Variants in MARK2 observed in about 807,000 individuals in gnomAD.
MARK2 encodes the protein microtubule affinity regulating kinase 2.
MARK2 carries 16 observed loss-of-function variants against 89.8 expected under a neutral mutation model. The ratio of observed to expected loss-of-function variants is 0.18; its 90% confidence interval spans 0.12 to 0.27. The LOEUF (loss-of-function observed/expected upper bound fraction) is 0.27, where lower values mean the gene tolerates loss of function less well. Ranked by LOEUF, MARK2 falls within the 10% of genes least tolerant of loss-of-function variation. MARK2 has a pLI of 1.00. For missense variants in MARK2, 621 were observed against 1,049.9 expected, an observed-to-expected ratio of 0.59 and a Z score of 5.65; for synonymous variants, 382 against 399.5, an observed-to-expected ratio of 0.96 and a Z score of 0.52.
chr11:63,870,486 C>T (rs770756653), intron 1 of MARK2, among the ~76,000 whole-genome samples: 2 of 152,072 alleles, frequency 1.3e-5, no homozygotes, highest in Admixed American at 6.5e-5. Flanking sequence ...CCGAGAAAAG[C>T]GAGAAGACTC....
intron 17 of MARK2, among the ~76,000 whole-genome samples, chr11:63,907,912 G>T (rs1376329608): frequency 6.6e-6 from 1 of 152,264 alleles, no homozygotes; most frequent in African/African-American, 2.4e-5. Flanking sequence ...GGCTGTGGGG[G>T]AGCAGCCTCG....
At chr11:63,875,674 G>A (rs572368524) in intron 1 of MARK2, among the ~76,000 whole-genome samples, 26 of 152,358 alleles carry the variant, frequency 1.7e-4, no homozygotes, top group African/African-American at 6.0e-4. Flanking sequence ...AGATGGGGCA[G>A]ATGTATGCTA....
intron 1 of MARK2, among the ~76,000 whole-genome samples, chr11:63,852,236 A>G (rs893847003): frequency 3.3e-5 from 5 of 152,180 alleles, no homozygotes; most frequent in African/African-American, 7.2e-5. Flanking sequence ...GGAAGTTTTC[A>G]TTGATGGACT....
chr11:63,852,790 T>A (rs1488151887), intron 1 of MARK2, among the ~76,000 whole-genome samples: 1 of 152,188 alleles, frequency 6.6e-6, no homozygotes, highest in African/African-American at 2.4e-5. Flanking sequence ...CATGTAGTAT[T>A]ATGGTACCAG....
At chr11:63,888,824 G>A in intron 1 of MARK2, 1 of 1,293,326 alleles carries the variant, frequency 7.7e-7, no homozygotes, top group Non-Finnish European at 1.0e-6. Context: ...GCTGAGTAAG[G>A]GTGGCTGGCT....
chr11:63,841,510 TTC>T (rs2016015517), intron 1 of MARK2, among the ~76,000 whole-genome samples: 2 of 152,238 alleles, frequency 1.3e-5, no homozygotes, highest in South Asian at 2.1e-4. Context: ...TACCGGCTGT[TTC>T]TCTCTCCTTA....
At position 63,899,634 on chromosome 11, in the gene MARK2, G is replaced by A. The variant is rs957336094; in HGVS notation, c.532-240G>A. Among the ~76,000 whole-genome samples, 5 of 152,338 alleles carry A rather than the reference G, an allele frequency of 3.3e-5. No individual in the cohort carries two copies. The South Asian group carries it at 1.0e-3, about 32-fold the overall frequency. On this transcript the variant is annotated intron_variant, in intron 7 of 18. Coordinates refer to ENST00000402010, the MANE Select transcript of MARK2 (RefSeq NM_001039469.3). Reference sequence around the variant, plus strand: ...ATGCTGAAGCTTTGCACAGCTCACAGGGTCTCTGGGCCTTCAGATCCCATC... The same window carrying A: ...ATGCTGAAGCTTTGCACAGCTCACAAGGTCTCTGGGCCTTCAGATCCCATC...
At chr11:63,856,941 G>A (rs2016895115) in intron 1 of MARK2, among the ~76,000 whole-genome samples, 1 of 151,214 alleles carries the variant, frequency 6.6e-6, no homozygotes, top group Non-Finnish European at 1.5e-5. Flanking sequence ...CCGAGTAGCT[G>A]GGAGGGACTA....
chr11:63,895,706 G>C (rs1464219621), intron 3 of MARK2, 73 bp downstream of exon 3: 1 of 1,262,588 alleles, frequency 7.9e-7, no homozygotes, highest in Non-Finnish European at 1.1e-6. Context: ...CCTCACTCTT[G>C]TCGCCCAGGC....
At chr11:63,861,174 G>A (rs572041027) in intron 1 of MARK2, among the ~76,000 whole-genome samples, 1 of 152,134 alleles carries the variant, frequency 6.6e-6, no homozygotes, top group East Asian at 1.9e-4. Flanking sequence ...AGTGGCTCAC[G>A]CGGGTAATCC....
rs1481250883 is a variant in MARK2, at chr11:63,898,668, G to A, written c.398G>A (p.Ser133Asn). Residue 133 changes from serine (S) to asparagine (N), a missense_variant, in exon 5 of 19, where the codon AGT becomes AAT. Around this residue, in one of 5 missense-constraint regions of MARK2, gnomAD observed 82 missense variants for 287.7 expected, o/e 0.29. Transcript: ENST00000402010. ...KTLYLVMEYASGGEVFDYLVA... is the reference protein window; with the variant it reads ...KTLYLVMEYANGGEVFDYLVA... ...CTCTACCTTGTCATGGAGTACGCTAGTGGCGGTAGGTGTGGAACTGCCTCT... is the reference window on the plus strand; with the variant it reads ...CTCTACCTTGTCATGGAGTACGCTAATGGCGGTAGGTGTGGAACTGCCTCT... The A allele has an allele frequency of 8.1e-6, 13 of 1,613,910 alleles. No homozygotes were observed. In the Admixed American group the frequency reaches 2.2e-4, roughly 27 times the overall value.
intron 1 of MARK2, among the ~76,000 whole-genome samples, chr11:63,881,606 C>G (rs868094085): frequency 9.9e-5 from 15 of 152,166 alleles, no homozygotes; most frequent in South Asian, 2.1e-4. Flanking sequence ...GATACTGGCT[C>G]TCATCTGTCA....
rs763078088 is a variant in MARK2, at chr11:63,904,347, C to G, written c.1676+200C>G. Among the ~76,000 whole-genome samples the G allele has an allele frequency of 5.3e-5, 8 of 152,192 alleles. No homozygotes were observed. The highest frequency in any genetic ancestry group is 1.0e-4 in the Non-Finnish European group (7 of 68,016). ...GCCCCTCTTTTCCAGTTCTCCCTCT[C>G]AGAACAGGTATGCAGGAAGCTGTCC... On this transcript the variant is annotated intron_variant, in intron 15 of 18. Coordinates refer to ENST00000402010, the MANE Select transcript of MARK2 (RefSeq NM_001039469.3). This position sits in a 1 kb window ranked among gnomAD's most constrained non-coding sequence, Gnocchi z 6.3.
intron 1 of MARK2, among the ~76,000 whole-genome samples, chr11:63,859,085 T>A (rs548975220): frequency 1.3e-5 from 2 of 152,328 alleles, no homozygotes; most frequent in African/African-American, 4.8e-5. Flanking sequence ...TTTTTTGTTT[T>A]TTTTTTAACT....
chr11:63,901,358 A>G (rs1266633746), intron 11 of MARK2, among the ~76,000 whole-genome samples: 1 of 150,234 alleles, frequency 6.7e-6, no homozygotes, highest in African/African-American at 2.5e-5. Context: ...GTCATCGGCT[A>G]GCACTACTAC....
Position 63,904,115 on chromosome 11 carries a change from C to T in MARK2, c.1644C>T (p.Pro548=), listed in dbSNP as rs999498552. Reference sequence around the variant, plus strand: ...CCAACAAGGCCTCTGGGCTGCCCCCCACGGAGAGTAACTGTGAGGTGCCGC... The same window carrying T: ...CCAACAAGGCCTCTGGGCTGCCCCCTACGGAGAGTAACTGTGAGGTGCCGC... The part of the protein sequence containing the change: ...VHPNKASGLP[P]TESNCEVPRP... Residue 548 remains proline (P), a synonymous_variant, in exon 15 of 19, where the codon CCC becomes CCT. Coordinates refer to ENST00000402010, the MANE Select transcript of MARK2 (RefSeq NM_001039469.3). The surrounding 1 kb of genome is among the most constrained non-coding windows in gnomAD (Gnocchi z 6.3). The T allele has an allele frequency of 8.1e-6, 13 of 1,597,898 alleles. No homozygotes were observed. Among genetic ancestry groups the T allele is most frequent in the Admixed American group, 1.7e-5 (1 of 58,628 alleles).
chr11:63,839,392 G>A lies in MARK2; in HGVS notation c.-115G>A, dbSNP rs900692767. 2 of 632,942 alleles carry A rather than the reference G, an allele frequency of 3.2e-6. No homozygotes were observed. Among genetic ancestry groups the A allele is most frequent in the East Asian group, 6.7e-5 (2 of 30,074 alleles). The allele number at this position is 632,942 out of a possible 1,614,324, so 39.2% of individuals were successfully genotyped here. ...CCCGGCCTCCCCGCACCCCCGGCCG[G>A]GGCCCATGCGGCGGGTGCTCCTGCT... is the stretch of plus-strand genomic sequence containing the variant. On this transcript the variant is annotated 5_prime_UTR_variant, in exon 1 of 19. Transcript: ENST00000402010.
At chr11:63,889,012 T>A (rs1278133577) in intron 1 of MARK2, 1 of 1,296,448 alleles carries the variant, frequency 7.7e-7, no homozygotes, top group African/African-American at 1.5e-5. Context: ...CCTCTTTCTT[T>A]CCTCTCATCT....
intron 1 of MARK2, among the ~76,000 whole-genome samples, chr11:63,863,555 C>T (rs997434746): frequency 7.3e-5 from 11 of 149,710 alleles, no homozygotes; most frequent in Non-Finnish European, 1.6e-4. Flanking sequence ...ACCTCTGCCT[C>T]CTGGGTTCAA....
Sources: gnomAD v4.1 joint callset for allele counts (sites outside exome capture counted in the v4.1 genomes callset) on GRCh38, gnomAD v4.1.1 for gene constraint, gnomAD v4.1.1 regional missense constraint, Gnocchi (gnomAD v3.1) non-coding constraint, MANE v1.5 for transcripts, NCBI Gene and HGNC (gene_info 2026-07-23, HGNC 2026-07-21) for gene names.